Variants in SCFD1 observed in about 807,000 individuals in gnomAD.
SCFD1 encodes sec1 family domain-containing protein 1.
In SCFD1, 37 loss-of-function variants were observed where a neutral mutation model predicts 103.2. That is an observed-to-expected ratio of 0.36 (90% CI 0.28 to 0.47). SCFD1 has a LOEUF of 0.47. SCFD1 is among the 20% of genes least tolerant of loss of function. The probability of loss-of-function intolerance (pLI) is 1.00; values close to 1 mark genes in which losing one functional copy is unlikely to be tolerated. For missense variants in SCFD1, 639 were observed against 761.2 expected, an observed-to-expected ratio of 0.84 and a Z score of 1.89; for synonymous variants, 264 against 245.0, an observed-to-expected ratio of 1.08 and a Z score of -0.73.
At chr14:30,696,554 G>A (rs1890715827) in intron 15 of SCFD1, among the ~76,000 whole-genome samples, 1 of 152,170 alleles carries the variant, frequency 6.6e-6, no homozygotes, top group Non-Finnish European at 1.5e-5. Flanking sequence ...ATAAGATGTT[G>A]GAACCTGAGC....
chr14:30,706,957 C>T (rs1055469167), intron 18 of SCFD1, among the ~76,000 whole-genome samples: 11 of 152,296 alleles, frequency 7.2e-5, no homozygotes, highest in Admixed American at 3.9e-4. Flanking sequence ...TGACAGGAAT[C>T]GCTCCAGGGC....
chr14:30,713,327 G>T (rs903074769), intron 19 of SCFD1, among the ~76,000 whole-genome samples: 1 of 152,156 alleles, frequency 6.6e-6, no homozygotes, highest in African/African-American at 2.4e-5. Context: ...TGGTAGATGT[G>T]TAGATGGTTT....
Position 30,705,884 on chromosome 14 carries a change from G to A in SCFD1, c.1552G>A (p.Gly518Ser), listed in dbSNP as rs1891434403. 1 of 1,610,450 alleles carries A rather than the reference G, an allele frequency of 6.2e-7. No homozygotes were observed. Among genetic ancestry groups the A allele is most frequent in the African/African-American group, 1.3e-5 (1 of 74,764 alleles). ...TGGCAGCACTACCACTAAACCAATGGGGTAAGTATTTTTAATAATTCTTTT... is the reference window on the plus strand; with the variant it reads ...TGGCAGCACTACCACTAAACCAATGAGGTAAGTATTTTTAATAATTCTTTT... ...SYGSTTTKPMGLLSRVMNTGS... is the reference protein window; with the variant it reads ...SYGSTTTKPMSLLSRVMNTGS... The change falls in exon 18 of 25, where the codon GGT becomes AGT. Residue 518 changes from glycine (G) to serine (S), a missense_variant and splice_region_variant. Physicochemically the swap from Gly to Ser is moderately conservative, Grantham distance 56. Transcript: ENST00000458591.
intron 10 of SCFD1, among the ~76,000 whole-genome samples, chr14:30,663,820 T>C (rs933797634): frequency 2.0e-5 from 3 of 152,246 alleles, no homozygotes; most frequent in African/African-American, 7.2e-5. Flanking sequence ...CTTTGGACAA[T>C]TAACTTCTTT....
At chr14:30,637,301 G>T (rs1038479646) in intron 4 of SCFD1, among the ~76,000 whole-genome samples, 7 of 151,886 alleles carry the variant, frequency 4.6e-5, no homozygotes, top group Non-Finnish European at 1.0e-4. Flanking sequence ...TTACAAATTT[G>T]TAACTCCTTT....
chr14:30,673,903 G>C, intron 12 of SCFD1, 21 bp from the exon 13 acceptor site: 1 of 1,582,988 alleles, frequency 6.3e-7, no homozygotes, highest in East Asian at 2.2e-5. Context: ...AGTAGCTATT[G>C]AGACCTTTTT....
Position 30,622,361 on chromosome 14 carries a change from C to A in SCFD1, c.23C>A (p.Thr8Lys). Residue 8 changes from threonine to lysine, a missense_variant, in exon 1 of 25, where the codon ACA becomes AAA. By Grantham distance (78) the Thr-to-Lys change is moderately conservative (BLOSUM62 -1). Transcript: ENST00000458591. ...AAGATGGCGGCGGCGGCGGCAGCGA[C>A]AGCAGCAGCAGCAGCCAGTATTCGG... MAAAAAA[T>K]AAAAASIRER... 1.3e-6 allele frequency: 2 copies of A among 1,544,378 alleles called. No homozygotes were observed. The highest frequency in any genetic ancestry group is 1.7e-6 in the Non-Finnish European group (2 of 1,144,866).
intron 17 of SCFD1, among the ~76,000 whole-genome samples, chr14:30,703,854 T>C (rs1411779446): frequency 7.1e-6 from 1 of 141,298 alleles, no homozygotes; most frequent in Non-Finnish European, 1.5e-5. Context: ...TTATCCAAAA[T>C]GCTTGGAACC....
chr14:30,647,863 C>T (rs2139086678), intron 7 of SCFD1, among the ~76,000 whole-genome samples: 1 of 152,176 alleles, frequency 6.6e-6, no homozygotes, highest in South Asian at 2.1e-4. Context: ...GTTGGCCAGG[C>T]TGGTCTCGAA....
chr14:30,654,780 A>G (rs2139122678), intron 10 of SCFD1, among the ~76,000 whole-genome samples: 1 of 152,330 alleles, frequency 6.6e-6, no homozygotes, highest in African/African-American at 2.4e-5. Context: ...AATCAGATTT[A>G]GAATTACTGA....
chr14:30,719,964 G>T (rs917589826), intron 21 of SCFD1, among the ~76,000 whole-genome samples: 1 of 138,604 alleles, frequency 7.2e-6, no homozygotes, highest in African/African-American at 2.6e-5. Context: ...TTGGGGGCAG[G>T]GGGGTGGGGG....
rs778357135 is a variant in SCFD1 at position 30,719,380 on chromosome 14, A to G, written c.1736+3A>G. On this transcript the variant is annotated splice_donor_region_variant and intron_variant, in intron 21 of 24. Transcript: ENST00000458591. ...AAAATGCTGCGGGGCAATGACAGGT[A>G]AGCAGCTTTTGTCTTGTTTAACTTG... 5 of 1,603,214 alleles carry G rather than the reference A, an allele frequency of 3.1e-6. No homozygotes were observed. The highest frequency in any genetic ancestry group is 4.3e-6 in the Non-Finnish European group (5 of 1,173,944).
rs372043124 is a variant in SCFD1 at position 30,622,360 on chromosome 14, A to ACAGCAGCAG, written c.30_38dup (p.Ala11_Ala13dup). On this transcript the variant is annotated inframe_insertion, in exon 1 of 25. Coordinates refer to ENST00000458591, the MANE Select transcript of SCFD1 (RefSeq NM_016106.4). ...CAAGATGGCGGCGGCGGCGGCAGCG[A>ACAGCAGCAG]CAGCAGCAGCAGCAGCCAGTATTCG... 3.8e-6 allele frequency: 6 copies of ACAGCAGCAG among 1,564,860 alleles called. No individual in the cohort carries two copies. The South Asian group carries it at 4.7e-5, about 12-fold the overall frequency.
chr14:30,684,795 A>T, intron 14 of SCFD1, among the ~76,000 whole-genome samples: 1 of 100,584 alleles, frequency 9.9e-6, no homozygotes, highest in African/African-American at 5.3e-5. Flanking sequence ...TGTATGTTGC[A>T]ATTGTTTCTT....
At position 30,639,340 on chromosome 14, in the gene SCFD1, C is replaced by T. The variant is rs547242388; in HGVS notation, c.436-437C>T. 8.5e-5 allele frequency among the ~76,000 whole-genome samples: 13 copies of T among 152,284 alleles called. 1 individual carries two copies. The South Asian group carries it at 1.9e-3, about 22-fold the overall frequency. ...TTCAAATAGTTCTCTTAATTTTTCT[C>T]CTACTCTGCACTTCCAAAGAACTGG... On this transcript the variant is annotated intron_variant, in intron 5 of 24. Coordinates refer to ENST00000458591, the MANE Select transcript of SCFD1 (RefSeq NM_016106.4).
At chr14:30,627,741 CTCAGA>C (rs1284240923) in intron 1 of SCFD1, among the ~76,000 whole-genome samples, 1 of 103,736 alleles carries the variant, frequency 9.6e-6, no homozygotes, top group African/African-American at 4.1e-5. Flanking sequence ...GAAACTCTGT[CTCAGA>C]AAAAAAAAAA....
At position 30,673,176 on chromosome 14, in the gene SCFD1, T is replaced by C. The variant is rs532847518; in HGVS notation, c.996-81T>C. On this transcript the variant is annotated intron_variant, in intron 11 of 24. Coordinates refer to ENST00000458591, the MANE Select transcript of SCFD1 (RefSeq NM_016106.4). ...ATAAGTATATTTAAAATAATAAATG[T>C]TCATTGTATATATTTTAGAATTTAC... The C allele has an allele frequency of 8.7e-5, 49 of 565,880 alleles. No homozygotes were observed. In the Middle Eastern group the frequency reaches 2.3e-3, roughly 26 times the overall value. The allele number at this position is 565,880 out of a possible 1,614,324, so 35.1% of individuals were successfully genotyped here.
chr14:30,654,700 G>T (rs1245438911), intron 10 of SCFD1, among the ~76,000 whole-genome samples: 1 of 150,516 alleles, frequency 6.6e-6, no homozygotes, highest in Non-Finnish European at 1.5e-5. Context: ...GGAAATGAAA[G>T]ACATGCAATA....
At chr14:30,646,732 G>C (rs908647157) in intron 7 of SCFD1, among the ~76,000 whole-genome samples, 1 of 152,124 alleles carries the variant, frequency 6.6e-6, no homozygotes, top group Non-Finnish European at 1.5e-5. Context: ...GAATTTGGCT[G>C]TGAATCCATC....
Sources: allele counts gnomAD v4.1 joint callset (sites outside exome capture counted in the v4.1 genomes callset), GRCh38; gene constraint gnomAD v4.1.1; transcripts MANE v1.5; gene names NCBI Gene and HGNC (gene_info 2026-07-23, HGNC 2026-07-21).